Variants in PCDHA12 observed in about 807,000 individuals in gnomAD.
PCDHA12 encodes protocadherin alpha-12.
A neutral mutation model predicts 60.0 loss-of-function variants in PCDHA12; 44 were observed. The ratio of observed to expected loss-of-function variants is 0.73; its 90% CI spans 0.58 to 0.94. The LOEUF is 0.94. Ranked by LOEUF, PCDHA12 falls within the 40% of genes least tolerant of loss-of-function variation. PCDHA12 has a pLI of 0.00. For missense variants in PCDHA12, 1,276 were observed against 1,239.7 expected, an observed-to-expected ratio of 1.03 and a Z score of -0.44; for synonymous variants, 569 against 553.0, an observed-to-expected ratio of 1.03 and a Z score of -0.40.
intron 1 of PCDHA12, among the ~76,000 whole-genome samples, chr5:140,894,188 A>AT (rs1157134749): frequency 1.1e-4 from 17 of 152,072 alleles, no homozygotes; most frequent in African/African-American, 4.1e-4. Flanking sequence ...ATAGTTATAT[A>AT]TTTTTTCTAT....
At chr5:140,889,339 G>A (rs1554183871) in intron 1 of PCDHA12, among the ~76,000 whole-genome samples, 1 of 151,948 alleles carries the variant, frequency 6.6e-6, no homozygotes, top group Admixed American at 6.6e-5. Flanking sequence ...TTTGATTGGT[G>A]GGAATATTTC....
chr5:140,933,276 G>T (rs1392004837), intron 1 of PCDHA12, among the ~76,000 whole-genome samples: 2 of 151,892 alleles, frequency 1.3e-5, no homozygotes, highest in Non-Finnish European at 2.9e-5. Context: ...TATTCATTTG[G>T]AACTTGTTTT....
chr5:140,908,287 C>G (rs781987945), intron 1 of PCDHA12, among the ~76,000 whole-genome samples: 1 of 152,136 alleles, frequency 6.6e-6, no homozygotes, highest in African/African-American at 2.4e-5. Flanking sequence ...TTGTTGCAAG[C>G]TGGGGAAGAG....
At chr5:140,928,208 A>AT (rs1436614514) in intron 1 of PCDHA12, 2 of 1,614,110 alleles carry the variant, frequency 1.2e-6, no homozygotes, top group Non-Finnish European at 1.7e-6. Flanking sequence ...GCTGATGTGA[A>AT]TGACAATACA....
intron 1 of PCDHA12, chr5:140,929,251 G>A (rs782590821): frequency 6.2e-7 from 1 of 1,613,534 alleles, no homozygotes; most frequent in South Asian, 1.1e-5. Flanking sequence ...TGCCACTGGG[G>A]TAGGACTGAA....
intron 1 of PCDHA12, among the ~76,000 whole-genome samples, chr5:140,935,340 C>T (rs781819548): frequency 3.3e-5 from 5 of 152,172 alleles, no homozygotes; most frequent in African/African-American, 7.2e-5. Context: ...TTCTCCCATA[C>T]GTCAAATCCC....
In PCDHA12 at chr5:140,969,463, C is replaced by G. The variant is rs549074334; in HGVS notation, c.2368-9486C>G. ...CTGGTAAACTGAGTATATATAGTAT[C>G]CACAATTTGATCATAATCTGCTATT... On this transcript the variant is annotated intron_variant, in intron 1 of 3. Coordinates refer to ENST00000398631, the MANE Select transcript of PCDHA12 (RefSeq NM_018903.4). 74 of 1,491,016 alleles carry G rather than the reference C, an allele frequency of 5.0e-5. No homozygotes were observed. In the South Asian group the frequency reaches 6.0e-4, roughly 12 times the overall value. The allele number at this position is 1,491,016 out of a possible 1,614,324, so 92.4% of individuals were successfully genotyped here.
In PCDHA12 at chr5:140,900,434, C is replaced by T. The variant is rs545919996; in HGVS notation, c.2367+22595C>T. On this transcript the variant is annotated intron_variant, in intron 1 of 3. Transcript: ENST00000398631. Reference sequence around the variant, plus strand: ...CTGGGATTATAGGCACGTGCCACCACGGCCGGCTAATTTTTTATTTTTAGT... The same window carrying T: ...CTGGGATTATAGGCACGTGCCACCATGGCCGGCTAATTTTTTATTTTTAGT... Among the ~76,000 whole-genome samples, 18 of 152,264 alleles carry T rather than the reference C, an allele frequency of 1.2e-4. No individual in the cohort carries two copies. The East Asian group carries it at 2.5e-3, about 21-fold the overall frequency.
chr5:140,988,308 G>T (rs75602297), intron 3 of PCDHA12, among the ~76,000 whole-genome samples: 1,856 of 152,298 alleles, frequency 0.012, 44 homozygotes, highest in African/African-American at 0.043. Context: ...TGCCAGCTTG[G>T]CTTGGCTTTC....
chr5:140,989,373 C>G (rs1189877807), intron 3 of PCDHA12, among the ~76,000 whole-genome samples: 1 of 152,088 alleles, frequency 6.6e-6, no homozygotes, highest in Non-Finnish European at 1.5e-5. Flanking sequence ...TGACTGAGAG[C>G]TTTGTGGGAA....
At chr5:140,987,749 GT>G (rs1554249497) in intron 3 of PCDHA12, among the ~76,000 whole-genome samples, 1 of 152,142 alleles carries the variant, frequency 6.6e-6, no homozygotes, top group African/African-American at 2.4e-5. Context: ...GACCCAGGTT[GT>G]TCTGAGTATT....
chr5:140,899,981 G>T (rs929559514), intron 1 of PCDHA12, among the ~76,000 whole-genome samples: 3 of 151,734 alleles, frequency 2.0e-5, no homozygotes, highest in African/African-American at 7.3e-5. Flanking sequence ...CTACTTTTTT[G>T]ATTTTTTTTG....
chr5:140,970,248 A>G (rs1385121881), intron 1 of PCDHA12, among the ~76,000 whole-genome samples: 1 of 152,142 alleles, frequency 6.6e-6, no homozygotes, highest in Non-Finnish European at 1.5e-5. Context: ...TTCTGTTGAC[A>G]GTTTCTATGG....
intron 1 of PCDHA12, chr5:140,883,816 G>A (rs1217152310): frequency 1.9e-6 from 3 of 1,612,522 alleles, no homozygotes; most frequent in Non-Finnish European, 2.5e-6. Context: ...AGAGCGGCAA[G>A]GTGTACGCGC....
At chr5:140,929,391 A>T (rs1563116530) in intron 1 of PCDHA12, 3 of 1,511,404 alleles carry the variant, frequency 2.0e-6, no homozygotes, top group Non-Finnish European at 2.7e-6. Context: ...GTTTTGAAAT[A>T]TTTCTTAGAC....
At chr5:140,978,851 C>T (rs2096826375) in intron 1 of PCDHA12, 98 bp from the exon 2 acceptor site, 2 of 1,578,528 alleles carry the variant, frequency 1.3e-6, no homozygotes, top group South Asian at 2.3e-5. Flanking sequence ...TTTTTAGATG[C>T]CTGGAAATAT....
intron 1 of PCDHA12, chr5:140,882,281 T>C (rs1554173360): frequency 6.2e-7 from 1 of 1,612,634 alleles, no homozygotes; most frequent in African/African-American, 1.3e-5. Context: ...GCTGTCTTCC[T>C]GGCAAGGAGG....
chr5:140,968,918 A>G, intron 1 of PCDHA12: 1 of 1,614,164 alleles, frequency 6.2e-7, no homozygotes, highest in Non-Finnish European at 8.5e-7. Context: ...AGTGTCTTTT[A>G]TATTTCTTTT....
At chr5:140,987,668 G>C (rs1262402590) in intron 3 of PCDHA12, among the ~76,000 whole-genome samples, 1 of 152,082 alleles carries the variant, frequency 6.6e-6, no homozygotes, top group Non-Finnish European at 1.5e-5. Context: ...GAACAATCAG[G>C]GTTTAGTAAA....
Sources: allele counts gnomAD v4.1 joint callset (sites outside exome capture counted in the v4.1 genomes callset), GRCh38; gene constraint gnomAD v4.1.1; transcripts MANE v1.5; gene names NCBI Gene and HGNC (gene_info 2026-07-23, HGNC 2026-07-21).